The following C12orf54 variants were observed in gnomAD, a reference collection of about 807,000 sequenced individuals.
The protein encoded by C12orf54 is chromosome 12 open reading frame 54.
A neutral mutation model predicts 26.4 loss-of-function variants in C12orf54; 24 were observed. The ratio of observed to expected loss-of-function variants is 0.91; its 90% confidence interval spans 0.66 to 1.28. C12orf54 has a LOEUF of 1.28. Ranked by LOEUF, C12orf54 falls within the 50% of genes most tolerant of loss-of-function variation. The pLI, the probability that C12orf54 is intolerant of heterozygous loss-of-function variation, is 0.00. For missense variants in C12orf54, 154 were observed against 150.9 expected (o/e 1.02, Z -0.11); for synonymous variants, 54 against 47.0 (o/e 1.15, Z -0.61).
chr12:48,464,205 A>G, the C12orf54 span, among the ~76,000 whole-genome samples: 9 of 152,020 alleles, frequency 5.9e-5, no homozygotes, highest in African/African-American at 2.2e-4. Flanking sequence ...AAGCTCCTTC[A>G]GCTGATAATT....
In C12orf54 at chr12:48,486,686, A is replaced by G; in HGVS notation, c.97-2A>G. 6.8e-6 allele frequency: 11 copies of G among 1,612,186 alleles called. No homozygotes were observed. Among genetic ancestry groups the G allele is most frequent in the Non-Finnish European group, 9.3e-6 (11 of 1,178,270 alleles). On this transcript the variant is annotated splice_acceptor_variant, in intron 3 of 8. Transcript: ENST00000548364. LOFTEE classifies it high-confidence loss of function. The stretch of plus-strand genomic sequence containing the variant: ...TCCAACATTTGTTCCTTATTTCTAC[A>G]GGAAAAACAGGTAACCATCACTGAA...
the C12orf54 span, among the ~76,000 whole-genome samples, chr12:48,463,534 T>C: frequency 6.6e-6 from 1 of 151,574 alleles, no homozygotes; most frequent in African/African-American, 2.4e-5. Context: ...TTCCAAAAAA[T>C]TGAGGAGGAG....
At chr12:48,458,948 A>G in the C12orf54 span, among the ~76,000 whole-genome samples, 23 of 152,090 alleles carry the variant, frequency 1.5e-4, no homozygotes, top group Non-Finnish European at 2.2e-4. Flanking sequence ...CTTTTCAAGC[A>G]GATGTCCAAG....
chr12:48,490,836 G>C lies in C12orf54; in HGVS notation c.193G>C (p.Gly65Arg), dbSNP rs955250500. ...KELQEDARIR[G>R]MSNCSMTPMT... ...GCTGCAGGAAGATGCTCGGATTCGA[G>C]GTAAAACAGCACCATTCCAAGGTTT... Residue 65 changes from glycine to arginine, a missense_variant and splice_region_variant, in exon 6 of 9, where the codon GGG becomes CGG. By Grantham distance (125) the Gly-to-Arg change is moderately radical. Transcript: ENST00000548364. The C allele has an allele frequency of 1.2e-6, 2 of 1,613,342 alleles. No individual in the cohort carries two copies. Among genetic ancestry groups the C allele is most frequent in the Non-Finnish European group, 1.7e-6 (2 of 1,179,372 alleles).
the C12orf54 span, among the ~76,000 whole-genome samples, chr12:48,464,310 A>T: frequency 1.3e-5 from 2 of 152,144 alleles, no homozygotes; most frequent in African/African-American, 4.8e-5. Flanking sequence ...TGAGGAACAC[A>T]ATCCCATTCA....
chr12:48,490,778 C>A, intron 5 of C12orf54, 34 bp from the exon 6 acceptor site: 1 of 1,612,862 alleles, frequency 6.2e-7, no homozygotes, highest in South Asian at 1.1e-5. Context: ...GACCAGCCCC[C>A]ATCATCTCTG....
the C12orf54 span, among the ~76,000 whole-genome samples, chr12:48,441,712 T>A: frequency 3.9e-5 from 6 of 152,208 alleles, no homozygotes; most frequent in Non-Finnish European, 7.3e-5. Context: ...CCATACTGTG[T>A]ATAATAAATA....
chr12:48,469,227 C>A, the C12orf54 span, among the ~76,000 whole-genome samples: 1 of 152,124 alleles, frequency 6.6e-6, no homozygotes, highest in East Asian at 1.9e-4. Context: ...AGCCTGGGGG[C>A]GCTGCAGGAG....
chr12:48,464,182 A>C, the C12orf54 span, among the ~76,000 whole-genome samples: 2 of 152,062 alleles, frequency 1.3e-5, no homozygotes, highest in African/African-American at 4.8e-5. Flanking sequence ...AAAACCCTAT[A>C]GTCTTGGCCC....
the C12orf54 span, among the ~76,000 whole-genome samples, chr12:48,431,833 A>T: frequency 6.6e-6 from 1 of 152,194 alleles, no homozygotes; most frequent in Non-Finnish European, 1.5e-5. Context: ...TTGGAGAGTG[A>T]CTACCCATAG....
the C12orf54 span, among the ~76,000 whole-genome samples, chr12:48,474,308 G>T: frequency 2.6e-5 from 4 of 152,160 alleles, no homozygotes; most frequent in Non-Finnish European, 5.9e-5. Context: ...ACAGCTCCCA[G>T]CATGAGCGAT....
intron 7 of C12orf54, among the ~76,000 whole-genome samples, chr12:48,493,724 A>ATTTTCAAAAAGAAAATT: frequency 6.6e-6 from 1 of 152,072 alleles, no homozygotes; most frequent in Admixed American, 6.5e-5. Flanking sequence ...ACAAAAGTTA[A>ATTTTCAAAAAGAAAATT]AATGCCCTAA....
chr12:48,460,891 A>G, the C12orf54 span, among the ~76,000 whole-genome samples: 1 of 152,128 alleles, frequency 6.6e-6, no homozygotes, highest in East Asian at 1.9e-4. Flanking sequence ...AATAGCTAAG[A>G]CAAATAGAAA....
chr12:48,492,009 G>A (rs984528018), intron 6 of C12orf54, among the ~76,000 whole-genome samples: 2 of 152,138 alleles, frequency 1.3e-5, no homozygotes, highest in African/African-American at 4.8e-5. Context: ...AGCCCAAAGA[G>A]AGAGCTTCCA....
intron 2 of C12orf54, among the ~76,000 whole-genome samples, chr12:48,485,872 T>C (rs1190399323): frequency 1.3e-5 from 2 of 152,136 alleles, no homozygotes; most frequent in Non-Finnish European, 2.9e-5. Flanking sequence ...AGAGTGGACA[T>C]AAATTAGGCA....
the C12orf54 span, among the ~76,000 whole-genome samples, chr12:48,421,705 T>C: frequency 2.0e-5 from 3 of 151,864 alleles, no homozygotes; most frequent in African/African-American, 7.3e-5. Context: ...AATTTTTGTA[T>C]TTTTAGTAGA....
chr12:48,460,193 C>A, the C12orf54 span, among the ~76,000 whole-genome samples: 5 of 146,624 alleles, frequency 3.4e-5, no homozygotes, highest in East Asian at 3.2e-4. Flanking sequence ...TTCTTTCCTG[C>A]CCAGGGAGTT....
chr12:48,456,465 G>A, the C12orf54 span, among the ~76,000 whole-genome samples: 2 of 152,174 alleles, frequency 1.3e-5, no homozygotes, highest in Admixed American at 6.5e-5. Context: ...CTTCCCGGCA[G>A]AGGAACCAGT....
chr12:48,437,157 T>C, the C12orf54 span, among the ~76,000 whole-genome samples: 1 of 152,106 alleles, frequency 6.6e-6, no homozygotes, highest in Non-Finnish European at 1.5e-5. Context: ...CTAGAAGAAA[T>C]GGATAAATTC....
Sources: gnomAD v4.1 joint callset for allele counts (sites outside exome capture counted in the v4.1 genomes callset) on GRCh38, gnomAD v4.1.1 for gene constraint, MANE v1.5 for transcripts, NCBI Gene and HGNC (gene_info 2026-07-23, HGNC 2026-07-21) for gene names.